PCDHGA6: variants seen among roughly 807,000 people sequenced by gnomAD.
The protein encoded by PCDHGA6 is protocadherin gamma-A6.
In PCDHGA6, 41 loss-of-function variants were observed where a neutral mutation model predicts 60.6. The observed-to-expected ratio is 0.68, with a 90% CI of 0.53 to 0.88. PCDHGA6 has a LOEUF of 0.88. Among genes scored for constraint, PCDHGA6 ranks in the 40% least tolerant of loss-of-function variants. PCDHGA6 has a pLI of 0.00. For missense variants in PCDHGA6, 1,312 were observed against 1,203.0 expected (o/e 1.09, Z -1.34); for synonymous variants, 594 against 524.4 (o/e 1.13, Z -1.81).
At chr5:141,385,000 T>C (rs1271412814) in intron 1 of PCDHGA6, 1 of 1,614,138 alleles carries the variant, frequency 6.2e-7, no homozygotes, top group South Asian at 1.1e-5. Flanking sequence ...GGCCACAGTC[T>C]CCTGCGTCTT....
At chr5:141,482,957 C>A (rs2099575063) in intron 1 of PCDHGA6, among the ~76,000 whole-genome samples, 2 of 57,944 alleles carry the variant, frequency 3.5e-5, no homozygotes, top group Admixed American at 1.5e-4. Context: ...CCTGTAATTC[C>A]AGCTACTTGA....
Position 141,432,938 on chromosome 5 carries a change from G to C in PCDHGA6, c.2424+56431G>C. ...CTGGCACAAGTCACGCCTGCTGCAG[G>C]CTTCAGGAGGCGGCTTGACAGGAGC... On this transcript the variant is annotated intron_variant, in intron 1 of 3. Transcript: ENST00000517434. The surrounding 1 kb of genome is among the most constrained non-coding windows in gnomAD (Gnocchi z 6.0). 2 of 1,614,192 alleles carry C rather than the reference G, an allele frequency of 1.2e-6. No homozygotes were observed. Among genetic ancestry groups the C allele is most frequent in the South Asian group, 2.2e-5 (2 of 91,086 alleles).
At chr5:141,410,038 T>C (rs1364065272) in intron 1 of PCDHGA6, 2 of 1,613,086 alleles carry the variant, frequency 1.2e-6, no homozygotes, top group African/African-American at 1.3e-5. Flanking sequence ...TGCAGGCCAG[T>C]GAGCCCGGAC....
chr5:141,402,903 A>C, intron 1 of PCDHGA6: 1 of 1,525,170 alleles, frequency 6.6e-7, no homozygotes, highest in East Asian at 2.3e-5. Context: ...GAACCTGATG[A>C]AGCAGCGCGC....
chr5:141,394,724 G>T, intron 1 of PCDHGA6: 1 of 1,613,380 alleles, frequency 6.2e-7, no homozygotes, highest in Non-Finnish European at 8.5e-7. Flanking sequence ...ACAGAGATGC[G>T]CTCAAGCAGA....
At chr5:141,393,820 C>T (rs2092851099) in intron 1 of PCDHGA6, 1 of 1,613,918 alleles carries the variant, frequency 6.2e-7, no homozygotes, top group Non-Finnish European at 8.5e-7. Context: ...TTGCTCATTT[C>T]GGTGGAAGAT....
At chr5:141,388,552 G>C in intron 1 of PCDHGA6, 1 of 1,613,814 alleles carries the variant, frequency 6.2e-7, no homozygotes, top group Non-Finnish European at 8.5e-7. Flanking sequence ...CCACCCCTAA[G>C]CAGCACTGCA....
chr5:141,431,560 C>T lies in PCDHGA6; in HGVS notation c.2424+55053C>T, dbSNP rs751276470. On this transcript the variant is annotated intron_variant, in intron 1 of 3. Coordinates refer to ENST00000517434, the MANE Select transcript of PCDHGA6 (RefSeq NM_018919.3). This position sits in a 1 kb window ranked among gnomAD's most constrained non-coding sequence, Gnocchi z 4.8. ...CGCAGCTGCTTGTAGTCAACGCTAC[C>T]GACCCTGACGAAGGAGTCAATGCGG... The T allele has an allele frequency of 6.2e-7, 1 of 1,614,104 alleles. No individual in the cohort carries two copies. The highest frequency in any genetic ancestry group is 1.7e-5 in the Admixed American group (1 of 60,036).
chr5:141,432,949 C>A lies in PCDHGA6; in HGVS notation c.2424+56442C>A, dbSNP rs764998032. ...CACGCCTGCTGCAGGCTTCAGGAGG[C>A]GGCTTGACAGGAGCGCCGGCGTCGC... On this transcript the variant is annotated intron_variant, in intron 1 of 3. Transcript: ENST00000517434. This position sits in a 1 kb window ranked among gnomAD's most constrained non-coding sequence, Gnocchi z 6.0. The A allele has an allele frequency of 1.9e-6, 3 of 1,614,184 alleles. No homozygotes were observed. The highest frequency in any genetic ancestry group is 2.5e-6 in the Non-Finnish European group (3 of 1,180,040).
intron 1 of PCDHGA6, among the ~76,000 whole-genome samples, chr5:141,447,104 A>G (rs1212797996): frequency 2.0e-5 from 3 of 151,958 alleles, no homozygotes; most frequent in African/African-American, 7.3e-5. Flanking sequence ...TCACATGATT[A>G]TATGTGCTCC....
At chr5:141,388,348 G>A in intron 1 of PCDHGA6, 1 of 1,613,974 alleles carries the variant, frequency 6.2e-7, no homozygotes, top group South Asian at 1.1e-5. Flanking sequence ...TTTATATTAG[G>A]ATCTGCCCAT....
intron 1 of PCDHGA6, chr5:141,394,651 A>G: frequency 6.2e-7 from 1 of 1,611,802 alleles, no homozygotes; most frequent in Admixed American, 1.7e-5. Flanking sequence ...AAGGCCAGCG[A>G]GCCGGGACTC....
chr5:141,403,717 G>GC (rs1561689685), intron 1 of PCDHGA6: 2 of 1,613,936 alleles, frequency 1.2e-6, no homozygotes, highest in South Asian at 2.2e-5. Flanking sequence ...TTGAGAACGT[G>GC]CCCCCAGGCA....
intron 1 of PCDHGA6, chr5:141,413,972 T>G: frequency 6.2e-7 from 1 of 1,613,420 alleles, no homozygotes; most frequent in Non-Finnish European, 8.5e-7. Context: ...ACTCAGCTGC[T>G]GACAGTCACA....
chr5:141,382,218 T>C (rs188591705), intron 1 of PCDHGA6, among the ~76,000 whole-genome samples: 1 of 152,328 alleles, frequency 6.6e-6, no homozygotes, highest in East Asian at 1.9e-4. Flanking sequence ...TAGGTCTATA[T>C]ATTTTACAAC....
At position 141,486,994 on chromosome 5, in the gene PCDHGA6, C is replaced by G. The variant is rs779792543; in HGVS notation, c.2425-7813C>G. ...ATTCAGGTTACAATGCTTGGGTTTC[C>G]TATCAGCTCCTGGAGGCCCCAGATC... On this transcript the variant is annotated intron_variant, in intron 1 of 3. Coordinates refer to ENST00000517434, the MANE Select transcript of PCDHGA6 (RefSeq NM_018919.3). The surrounding 1 kb of genome is among the most constrained non-coding windows in gnomAD (Gnocchi z 5.0). 3 of 1,614,214 alleles carry G rather than the reference C, an allele frequency of 1.9e-6. No individual in the cohort carries two copies. Among genetic ancestry groups the G allele is most frequent in the Admixed American group, 1.7e-5 (1 of 60,030 alleles).
intron 2 of PCDHGA6, among the ~76,000 whole-genome samples, chr5:141,499,016 GGAAGGAA>G (rs2099788564): frequency 7.0e-6 from 1 of 143,496 alleles, no homozygotes; most frequent in Non-Finnish European, 1.5e-5. Flanking sequence ...AAGGAAGGAA[GGAAGGAA>G]GGAAGAAAAG....
chr5:141,375,155 G>T lies in PCDHGA6; in HGVS notation c.1072G>T (p.Glu358Ter). Reference protein sequence around the residue: ...VVTSGSRTIAESAPPGTVIAL... With the variant: ...VVTSGSRTIA Reference sequence around the variant, plus strand: ...TACATCTGGAAGCAGAACAATTGCTGAAAGTGCACCTCCAGGAACAGTAAT... The same window carrying T: ...TACATCTGGAAGCAGAACAATTGCTTAAAGTGCACCTCCAGGAACAGTAAT... The change falls in exon 1 of 4, where the codon GAA (glutamate) becomes TAA (stop). Residue 358 changes from glutamate (E) to a stop codon, truncating the protein, a stop_gained. Transcript: ENST00000517434. LOFTEE classifies it high-confidence loss of function. 6.2e-7 allele frequency: 1 copy of T among 1,613,962 alleles called. No individual in the cohort carries two copies. The highest frequency in any genetic ancestry group is 1.1e-5 in the South Asian group (1 of 91,086).
chr5:141,494,306 T>G (rs1432951954), intron 1 of PCDHGA6, among the ~76,000 whole-genome samples: 1 of 152,212 alleles, frequency 6.6e-6, no homozygotes, highest in Non-Finnish European at 1.5e-5. Flanking sequence ...AATGTGTCAC[T>G]GCACAACCTG....
Sources: allele counts gnomAD v4.1 joint callset (sites outside exome capture counted in the v4.1 genomes callset), GRCh38; gene constraint gnomAD v4.1.1; non-coding constraint Gnocchi (gnomAD v3.1); transcripts MANE v1.5; gene names NCBI Gene and HGNC (gene_info 2026-07-23, HGNC 2026-07-21).